KCNQ3: variants seen among roughly 807,000 people sequenced by gnomAD.
KCNQ3 encodes potassium voltage-gated channel subfamily KQT member 3.
A neutral mutation model predicts 92.5 loss-of-function variants in KCNQ3; 30 were observed. The ratio of observed to expected loss-of-function variants is 0.32; its 90% CI spans 0.24 to 0.44. The LOEUF is 0.44. Among genes scored for constraint, KCNQ3 ranks in the 20% least tolerant of loss-of-function variants. The pLI is 1.00. For synonymous variants in KCNQ3, 450 were observed against 468.8 expected, an observed-to-expected ratio of 0.96 and a Z score of 0.52; for missense variants, 913 against 1,140.3, an observed-to-expected ratio of 0.80 and a Z score of 2.87.
chr8:132,417,086 C>T (rs1323840649), intron 1 of KCNQ3, among the ~76,000 whole-genome samples: 1 of 152,148 alleles, frequency 6.6e-6, no homozygotes, highest in African/African-American at 2.4e-5. Flanking sequence ...ATCTAATCCT[C>T]GTTTAACCTG....
intron 1 of KCNQ3, among the ~76,000 whole-genome samples, chr8:132,434,708 T>C (rs1209017920): frequency 1.3e-5 from 2 of 152,152 alleles, no homozygotes; most frequent in African/African-American, 2.4e-5. Flanking sequence ...ACCAGGAGCT[T>C]ATAGGACGCT....
chr8:132,301,548 G>T (rs1439515648), intron 1 of KCNQ3, among the ~76,000 whole-genome samples: 1 of 152,156 alleles, frequency 6.6e-6, no homozygotes, highest in Non-Finnish European at 1.5e-5. Flanking sequence ...AGCATTTACT[G>T]ACCATCTACT....
chr8:132,296,198 A>G (rs2130569389), intron 1 of KCNQ3, among the ~76,000 whole-genome samples: 1 of 152,302 alleles, frequency 6.6e-6, no homozygotes, highest in Non-Finnish European at 1.5e-5. Flanking sequence ...GAACACTTCC[A>G]TCATCACAGA....
chr8:132,328,656 T>A (rs1355187900), intron 1 of KCNQ3, among the ~76,000 whole-genome samples: 1 of 152,220 alleles, frequency 6.6e-6, no homozygotes, highest in Non-Finnish European at 1.5e-5. Flanking sequence ...AATGAGTATA[T>A]AGAACAGTGC....
rs188989831 is a variant in KCNQ3, at chr8:132,284,949, C to T, written c.387-98768G>A. ...CTTGCTCTTCAACTTTTCTGCCTTG[C>T]TATTAAGTAGCATAAGTGCTTCACC... On this transcript the variant is annotated intron_variant, in intron 1 of 14. Transcript: ENST00000388996. Among the ~76,000 whole-genome samples, 38 of 152,286 alleles carry T rather than the reference C, an allele frequency of 2.5e-4. No individual in the cohort carries two copies. The East Asian group carries it at 7.2e-3, about 29-fold the overall frequency.
chr8:132,429,038 T>C (rs1010259502), intron 1 of KCNQ3, among the ~76,000 whole-genome samples: 3 of 152,230 alleles, frequency 2.0e-5, no homozygotes, highest in Admixed American at 6.5e-5. Context: ...GGGGAAGACA[T>C]TGGCACTTGG....
chr8:132,274,857 G>A (rs1816274185), intron 1 of KCNQ3, among the ~76,000 whole-genome samples: 1 of 152,144 alleles, frequency 6.6e-6, no homozygotes, highest in Non-Finnish European at 1.5e-5. Flanking sequence ...ACAGAGTGTG[G>A]GGAGGCTGAG....
rs1358905178 is a variant in KCNQ3, at chr8:132,323,204, G to A, written c.387-137023C>T. Among the ~76,000 whole-genome samples, 5 of 152,124 alleles carry A rather than the reference G, an allele frequency of 3.3e-5. No individual in the cohort carries two copies. In the East Asian group the frequency reaches 9.7e-4, roughly 29 times the overall value. ...TCTTCTTCCTCCAAGGCCAAATCTT[G>A]ATTATGATCACTTAAAGATGAGCAG... On this transcript the variant is annotated intron_variant, in intron 1 of 14. Coordinates refer to ENST00000388996, the MANE Select transcript of KCNQ3 (RefSeq NM_004519.4).
At chr8:132,258,858 A>G (rs1394829078) in intron 1 of KCNQ3, among the ~76,000 whole-genome samples, 4 of 152,076 alleles carry the variant, frequency 2.6e-5, no homozygotes, top group Admixed American at 2.6e-4. Context: ...GAGAATTATA[A>G]GAAGATGCTA....
intron 1 of KCNQ3, among the ~76,000 whole-genome samples, chr8:132,342,869 T>G (rs1456235669): frequency 1.3e-5 from 2 of 152,252 alleles, no homozygotes; most frequent in African/African-American, 4.8e-5. Flanking sequence ...TGTGTAGTTC[T>G]TCATCATGAG....
intron 1 of KCNQ3, among the ~76,000 whole-genome samples, chr8:132,398,482 A>G (rs1586985857): frequency 6.6e-6 from 1 of 152,120 alleles, no homozygotes; most frequent in Admixed American, 6.5e-5. Flanking sequence ...TAAATTCTCT[A>G]TGTACTTTGT....
At chr8:132,280,960 T>A (rs1477748774) in intron 1 of KCNQ3, among the ~76,000 whole-genome samples, 2 of 152,114 alleles carry the variant, frequency 1.3e-5, no homozygotes, top group African/African-American at 4.8e-5. Flanking sequence ...AATTCCTTTA[T>A]TTTCCGAAAA....
chr8:132,148,623 A>C (rs1825535205), intron 9 of KCNQ3, among the ~76,000 whole-genome samples: 1 of 152,260 alleles, frequency 6.6e-6, no homozygotes, highest in South Asian at 2.1e-4. Context: ...AGAGATTAGC[A>C]GTTGAATCAG....
intron 1 of KCNQ3, among the ~76,000 whole-genome samples, chr8:132,452,066 G>A (rs1363287567): frequency 6.6e-6 from 1 of 151,994 alleles, no homozygotes; most frequent in African/African-American, 2.4e-5. Flanking sequence ...TTTTTCGTTT[G>A]TTTGTCACTG....
Position 132,148,304 on chromosome 8 carries a change from T to G in KCNQ3, c.1263-6973A>C, listed in dbSNP as rs188253794. On this transcript the variant is annotated intron_variant, in intron 9 of 14. Transcript: ENST00000388996. ...TTGCTCTGTCGCCCAGGCTAGCTCT[T>G]GGCTCACTGCAACCTCCGCCTCCTA... 2.8e-4 allele frequency among the ~76,000 whole-genome samples: 43 copies of G among 152,238 alleles called. 1 individual carries two copies. The East Asian group carries it at 7.7e-3, about 27-fold the overall frequency.
intron 1 of KCNQ3, among the ~76,000 whole-genome samples, chr8:132,255,255 G>A (rs1586870003): frequency 6.6e-6 from 1 of 152,032 alleles, no homozygotes; most frequent in East Asian, 1.9e-4. Context: ...TGGTCTGTCT[G>A]GTGATTCCCT....
At chr8:132,376,584 T>C (rs1819615557) in intron 1 of KCNQ3, among the ~76,000 whole-genome samples, 1 of 152,172 alleles carries the variant, frequency 6.6e-6, no homozygotes, top group Non-Finnish European at 1.5e-5. Context: ...AGCTAGAAAA[T>C]ACATTGCTTT....
At chr8:132,402,142 T>C (rs1465339789) in intron 1 of KCNQ3, among the ~76,000 whole-genome samples, 2 of 152,208 alleles carry the variant, frequency 1.3e-5, no homozygotes, top group African/African-American at 2.4e-5. Flanking sequence ...AGCTGTCTCT[T>C]GCCCAGAGAG....
intron 9 of KCNQ3, among the ~76,000 whole-genome samples, chr8:132,157,941 T>G (rs1172983676): frequency 6.6e-6 from 1 of 152,164 alleles, no homozygotes; most frequent in Admixed American, 6.5e-5. Context: ...TGATAACCTG[T>G]GTTTTAATCC....
Sources: allele counts gnomAD v4.1 joint callset (sites outside exome capture counted in the v4.1 genomes callset), GRCh38; gene constraint gnomAD v4.1.1; transcripts MANE v1.5; gene names NCBI Gene and HGNC (gene_info 2026-07-23, HGNC 2026-07-21).